The following PRR12 variants were observed in gnomAD, a reference collection of about 807,000 sequenced individuals.
PRR12 encodes the protein proline-rich protein 12.
Under a neutral mutation model 138.0 loss-of-function variants are expected in PRR12, and 12 were observed. The observed-to-expected ratio is 0.09, with a 90% CI of 0.06 to 0.14. PRR12 has a LOEUF of 0.14. Ranked by LOEUF, PRR12 falls within the 10% of genes least tolerant of loss-of-function variation. The probability of loss-of-function intolerance (pLI) is 1.00; values close to 1 mark genes in which losing one functional copy is unlikely to be tolerated. For missense variants in PRR12, 2,692 were observed against 2,861.3 expected, an observed-to-expected ratio of 0.94 and a Z score of 1.35; for synonymous variants, 1,567 against 1,291.7, an observed-to-expected ratio of 1.21 and a Z score of -4.57.
intron 9 of PRR12, among the ~76,000 whole-genome samples, chr19:49,617,953 C>A (rs893596683): frequency 6.6e-6 from 1 of 152,036 alleles, no homozygotes; most frequent in African/African-American, 2.4e-5. Context: ...AAAAAATTAG[C>A]CGGGTGTGGT....
rs1371427187 is a variant in PRR12 at position 49,596,473 on chromosome 19, G to A, written c.2138G>A (p.Gly713Asp). Reference protein sequence around the residue: ...VIRTSASLDEGATAALELGLG... With the variant: ...VIRTSASLDEDATAALELGLG... ...CGCACCAGTGCCAGCCTGGATGAGG[G>A]TGCCACTGCGGCACTGGAGCTGGGC... Residue 713 changes from glycine (G) to aspartate (D), a missense_variant, in exon 4 of 14, where the codon GGT becomes GAT. Physicochemically the swap from Gly to Asp is moderately conservative, Grantham distance 94. Around this residue, in one of 11 missense-constraint regions of PRR12, gnomAD observed 840 missense variants for 689.8 expected, o/e 1.22. Coordinates refer to ENST00000418929, the MANE Select transcript of PRR12 (RefSeq NM_020719.3). The surrounding 1 kb of genome is among the most constrained non-coding windows in gnomAD (Gnocchi z 5.6). 6.2e-7 allele frequency: 1 copy of A among 1,611,092 alleles called. No individual in the cohort carries two copies. Among genetic ancestry groups the A allele is most frequent in the Non-Finnish European group, 8.5e-7 (1 of 1,179,332 alleles).
rs1261552582 is a variant in PRR12 at position 49,625,462 on chromosome 19, C to T, written c.5966C>T (p.Thr1989Ile). 3 of 1,603,882 alleles carry T rather than the reference C, an allele frequency of 1.9e-6. No individual in the cohort carries two copies. ...CAGTGCCATGTTTGACCCCTGCAGACCCTGGCCATCGAGGGCGGCGCCGAG... is the reference window on the plus strand; with the variant it reads ...CAGTGCCATGTTTGACCCCTGCAGATCCTGGCCATCGAGGGCGGCGCCGAG... ...YHTFLRCRDQTLAIEGGAEDL... is the reference protein window; with the variant it reads ...YHTFLRCRDQILAIEGGAEDL... The change falls in exon 14 of 14, where the codon ACC becomes ATC. Residue 1989 changes from threonine (T) to isoleucine (I), a missense_variant and splice_region_variant. Transcript: ENST00000418929. This position sits in a 1 kb window ranked among gnomAD's most constrained non-coding sequence, Gnocchi z 5.5.
At chr19:49,624,024 G>A (rs1440826247) in intron 11 of PRR12, among the ~76,000 whole-genome samples, 2 of 151,140 alleles carry the variant, frequency 1.3e-5, no homozygotes, top group Non-Finnish European at 2.9e-5. Context: ...GAGAATTCTG[G>A]GGTAGGTGGT....
chr19:49,618,548 C>T (rs943917107), intron 9 of PRR12, among the ~76,000 whole-genome samples: 2 of 152,058 alleles, frequency 1.3e-5, no homozygotes, highest in Admixed American at 6.6e-5. Flanking sequence ...CCACCATGCC[C>T]GGCTAATTTG....
intron 6 of PRR12, among the ~76,000 whole-genome samples, chr19:49,612,399 G>C (rs928878694): frequency 6.6e-6 from 1 of 152,070 alleles, no homozygotes; most frequent in Non-Finnish European, 1.5e-5. Flanking sequence ...GATGGGTGGG[G>C]CTTGGGGATT....
Position 49,595,260 on chromosome 19 carries a change from G to T in PRR12, c.925G>T (p.Ala309Ser). ...CCCACCACCCCCGCCACCAGCCCAT[G>T]CGCTCCAGCACTATCTGAGCTGTGG... is the stretch of plus-strand genomic sequence containing the variant. The part of the protein sequence containing the change: ...QPPPPPPPAH[A>S]LQHYLSCGGS... Residue 309 changes from alanine (A) to serine (S), a missense_variant, in exon 4 of 14, where the codon GCG (alanine) becomes TCG (serine). Transcript: ENST00000418929. The T allele has an allele frequency of 6.5e-7, 1 of 1,544,166 alleles. No individual in the cohort carries two copies.
In PRR12 at chr19:49,622,922, T is replaced by TAGAG. The variant is rs1430610334; in HGVS notation, c.5721+1301_5721+1302insGAGA. Among the ~76,000 whole-genome samples, 43 of 83,054 alleles carry TAGAG rather than the reference T, an allele frequency of 5.2e-4. 2 individuals carry two copies. Among genetic ancestry groups the TAGAG allele is most frequent in the East Asian group, 3.3e-3 (14 of 4,292 alleles). The allele number at this position is 83,054 out of a possible 152,430, so 54.5% of individuals were successfully genotyped here. A position where few individuals can be genotyped will look rare whatever the true frequency, so the allele number is the denominator to read the frequency against. ...AAAAACAAAAACATATATATATATA[T>TAGAG]ATATATAGAGAGAGAGAGAGAGAGA... is the stretch of plus-strand genomic sequence containing the variant. On this transcript the variant is annotated intron_variant, in intron 11 of 13. Transcript: ENST00000418929.
chr19:49,592,589 C>T (rs2080736138), intron 1 of PRR12, among the ~76,000 whole-genome samples: 1 of 152,120 alleles, frequency 6.6e-6, no homozygotes, highest in African/African-American at 2.4e-5. Flanking sequence ...CTGGATTTCC[C>T]AGCAGGGCAT....
chr19:49,620,367 G>A lies in PRR12; in HGVS notation c.5513G>A (p.Gly1838Glu). 3.7e-6 allele frequency: 6 copies of A among 1,613,098 alleles called. No homozygotes were observed. Among genetic ancestry groups the A allele is most frequent in the Non-Finnish European group, 5.1e-6 (6 of 1,179,580 alleles). Reference protein sequence around the residue: ...APSEDERAVPGRLLKTRAMRE... With the variant: ...APSEDERAVPERLLKTRAMRE... ...TTTTCTGCAGAGCGGGCAGTACCTG[G>A]GCGTCTGCTCAAAACCAGGGCGATG... is the stretch of plus-strand genomic sequence containing the variant. The change falls in exon 10 of 14, where the codon GGG (glycine) becomes GAG (glutamate). Residue 1838 changes from glycine (G) to glutamate (E), a missense_variant. Physicochemically the swap from Gly to Glu is moderately conservative, Grantham distance 98. Transcript: ENST00000418929.
Position 49,599,280 on chromosome 19 carries a change from G to C in PRR12, c.3687G>C (p.Leu1229=). The change falls in exon 5 of 14, where the codon CTG becomes CTC. Residue 1229 remains leucine, a synonymous_variant. Coordinates refer to ENST00000418929, the MANE Select transcript of PRR12 (RefSeq NM_020719.3). The surrounding 1 kb of genome is among the most constrained non-coding windows in gnomAD (Gnocchi z 5.0). ...LEPLKPLKIK[L]SVPKAGEGLG... Reference sequence around the variant, plus strand: ...GCCACTCCCATGTCTAGATCAAGCTGTCTGTGCCCAAGGCTGGCGAGGGTC... The same window carrying C: ...GCCACTCCCATGTCTAGATCAAGCTCTCTGTGCCCAAGGCTGGCGAGGGTC... 6.3e-7 allele frequency: 1 copy of C among 1,599,848 alleles called. No homozygotes were observed. The highest frequency in any genetic ancestry group is 8.5e-7 in the Non-Finnish European group (1 of 1,172,146).
In PRR12 at chr19:49,597,847, G is replaced by T; in HGVS notation, c.3512G>T (p.Arg1171Leu). ...AAACGTGATGGGCCACCCCGGCCAC[G>T]GGGGAGGCCCCGGATCCGCCCCCTG... ...KAKRDGPPRP[R>L]GRPRIRPLEV... is the part of the protein sequence containing the mutation. The change falls in exon 4 of 14, where the codon CGG becomes CTG. Residue 1171 changes from arginine (R) to leucine (L), a missense_variant. By Grantham distance (102) the Arg-to-Leu change is moderately radical. Around this residue, in one of 11 missense-constraint regions of PRR12, gnomAD observed 326 missense variants for 344.2 expected, o/e 0.95. Coordinates refer to ENST00000418929, the MANE Select transcript of PRR12 (RefSeq NM_020719.3). The surrounding 1 kb of genome is among the most constrained non-coding windows in gnomAD (Gnocchi z 6.3). The T allele has an allele frequency of 6.8e-7, 1 of 1,478,740 alleles. No homozygotes were observed. The highest frequency in any genetic ancestry group is 9.0e-7 in the Non-Finnish European group (1 of 1,116,418). 91.6% of individuals were successfully genotyped at this position (1,478,740 alleles called of 1,614,324 possible).
intron 6 of PRR12, 97 bp downstream of exon 6, chr19:49,602,015 A>T: frequency 6.9e-7 from 1 of 1,451,526 alleles, no homozygotes. Flanking sequence ...AGACCTGCAG[A>T]TCCAGTCGTG....
rs1568423499 is a variant in PRR12, at chr19:49,597,459, C to T, written c.3124C>T (p.Pro1042Ser). The T allele has an allele frequency of 6.5e-7, 1 of 1,541,488 alleles. No individual in the cohort carries two copies. The highest frequency in any genetic ancestry group is 2.0e-5 in the Admixed American group (1 of 50,918). Residue 1042 changes from proline to serine, a missense_variant, in exon 4 of 14, where the codon CCG becomes TCG. By Grantham distance (74) the Pro-to-Ser change is moderately conservative. This residue lies in a region of PRR12 where 840 missense variants were observed against 689.8 expected (regional missense o/e 1.22). Coordinates refer to ENST00000418929, the MANE Select transcript of PRR12 (RefSeq NM_020719.3). This position sits in a 1 kb window ranked among gnomAD's most constrained non-coding sequence, Gnocchi z 6.3. The stretch of plus-strand genomic sequence containing the variant: ...CCCCCACCAGGCGGCGCCACCACCC[C>T]CGCCTCCGCCACCGCCGCCTCCCGC... ...SGPHQAAPPP[P>S]PPPPPPPAPA... is the part of the protein sequence containing the mutation.
Position 49,597,125 on chromosome 19 carries a change from C to T in PRR12, c.2790C>T (p.Thr930=), listed in dbSNP as rs1173175968. The T allele has an allele frequency of 1.8e-5, 28 of 1,551,124 alleles. No homozygotes were observed. The highest frequency in any genetic ancestry group is 2.7e-5 in the African/African-American group (2 of 73,148). The part of the protein sequence containing the change: ...GTKAPRFVPL[T]SICFPDSLLQ... ...AGGCGCCGCGTTTCGTGCCGCTCAC[C>T]TCCATCTGCTTCCCTGACTCCTTGC... Residue 930 remains threonine, a synonymous_variant, in exon 4 of 14, where the codon ACC becomes ACT. Transcript: ENST00000418929. The surrounding 1 kb of genome is among the most constrained non-coding windows in gnomAD (Gnocchi z 6.3).
chr19:49,599,899 C>A lies in PRR12; in HGVS notation c.4306C>A (p.Leu1436Ile). The A allele has an allele frequency of 6.2e-7, 1 of 1,610,240 alleles. No homozygotes were observed. Among genetic ancestry groups the A allele is most frequent in the Non-Finnish European group, 8.5e-7 (1 of 1,178,030 alleles). Residue 1436 changes from leucine to isoleucine, a missense_variant, in exon 5 of 14, where the codon CTT (leucine) becomes ATT (isoleucine). Physicochemically the swap from Leu to Ile is conservative, Grantham distance 5. Transcript: ENST00000418929. This position sits in a 1 kb window ranked among gnomAD's most constrained non-coding sequence, Gnocchi z 5.0. ...PAAAVPGPPP[L>I]PGLPSANSNG... ...GGCTGCAGTTCCAGGGCCACCCCCTCTTCCGGGGCTCCCCAGTGCCAACAG... is the reference window on the plus strand; with the variant it reads ...GGCTGCAGTTCCAGGGCCACCCCCTATTCCGGGGCTCCCCAGTGCCAACAG...
At chr19:49,607,006 T>C (rs1361070677) in intron 6 of PRR12, among the ~76,000 whole-genome samples, 1 of 151,806 alleles carries the variant, frequency 6.6e-6, no homozygotes, top group Non-Finnish European at 1.5e-5. Context: ...ATAAAAAAGA[T>C]AGGTGAAATT....
chr19:49,597,017 T>G lies in PRR12; in HGVS notation c.2682T>G (p.Pro894=). 1 of 1,557,232 alleles carries G rather than the reference T, an allele frequency of 6.4e-7. No individual in the cohort carries two copies. Among genetic ancestry groups the G allele is most frequent in the Non-Finnish European group, 8.7e-7 (1 of 1,152,992 alleles). The change falls in exon 4 of 14, where the codon CCT becomes CCG. Residue 894 remains proline, a synonymous_variant. Transcript: ENST00000418929. The surrounding 1 kb of genome is among the most constrained non-coding windows in gnomAD (Gnocchi z 6.3). ...LGALEPLPPA[P]GDTGVGPPNS... Reference sequence around the variant, plus strand: ...CTCTGGAGCCGCTGCCCCCGGCGCCTGGGGATACTGGCGTAGGCCCACCAA... The same window carrying G: ...CTCTGGAGCCGCTGCCCCCGGCGCCGGGGGATACTGGCGTAGGCCCACCAA...
At chr19:49,613,875 G>A (rs902055910) in intron 6 of PRR12, among the ~76,000 whole-genome samples, 4 of 152,148 alleles carry the variant, frequency 2.6e-5, no homozygotes, top group African/African-American at 7.2e-5. Flanking sequence ...TTGGGAGGCC[G>A]AGCCGGGTGG....
intron 6 of PRR12, among the ~76,000 whole-genome samples, chr19:49,611,645 C>T (rs1465509892): frequency 2.7e-5 from 4 of 146,370 alleles, no homozygotes; most frequent in African/African-American, 5.5e-5. Flanking sequence ...AAAAAAAGGC[C>T]GGGCGCGGTG....
Sources: gnomAD v4.1 joint callset for allele counts (sites outside exome capture counted in the v4.1 genomes callset) on GRCh38, gnomAD v4.1.1 for gene constraint, gnomAD v4.1.1 regional missense constraint, Gnocchi (gnomAD v3.1) non-coding constraint, MANE v1.5 for transcripts, NCBI Gene and HGNC (gene_info 2026-07-23, HGNC 2026-07-21) for gene names.